The following WDPCP variants were observed in gnomAD, a reference collection of about 807,000 sequenced individuals.
WDPCP encodes the protein WD repeat containing planar cell polarity effector.
Under a neutral mutation model 93.1 loss-of-function variants are expected in WDPCP, and 71 were observed. The ratio of observed to expected loss-of-function variants is 0.76; its 90% CI spans 0.63 to 0.93. The LOEUF (loss-of-function observed/expected upper bound fraction) is 0.93, where lower values mean the gene tolerates loss of function less well. WDPCP is among the 40% of genes least tolerant of loss of function. The pLI is 0.00. For missense variants in WDPCP, 844 were observed against 887.4 expected (o/e 0.95, Z 0.62); for synonymous variants, 315 against 315.0 (o/e 1.00, Z 0.00).
At chr2:63,437,915 A>G (rs1292661893) in intron 7 of WDPCP, 1 of 1,579,344 alleles carries the variant, frequency 6.3e-7, no homozygotes, top group Non-Finnish European at 8.6e-7. Flanking sequence ...GTTTAATCCT[A>G]TGTTTACATG....
intron 3 of WDPCP, among the ~76,000 whole-genome samples, chr2:63,621,692 T>C (rs1487959425): frequency 6.6e-6 from 1 of 151,960 alleles, no homozygotes; most frequent in Non-Finnish European, 1.5e-5. Context: ...AAGATACTCC[T>C]AAAAAGGAGC....
At chr2:63,616,825 T>C (rs1027239193) in intron 3 of WDPCP, among the ~76,000 whole-genome samples, 1 of 152,248 alleles carries the variant, frequency 6.6e-6, no homozygotes, top group Non-Finnish European at 1.5e-5. Context: ...AGAAGGATTT[T>C]AAAGCTAGAA....
chr2:63,545,353 C>CAG (rs528501810), intron 1 of WDPCP, among the ~76,000 whole-genome samples: 1 of 146,984 alleles, frequency 6.8e-6, no homozygotes, highest in African/African-American at 2.5e-5. Flanking sequence ...GAGAGAGAGA[C>CAG]AGAGAGAGAG....
chr2:63,665,196 T>C (rs1288895854), intron 2 of WDPCP, among the ~76,000 whole-genome samples: 1 of 152,150 alleles, frequency 6.6e-6, no homozygotes, highest in Non-Finnish European at 1.5e-5. Context: ...CAGAAATGCG[T>C]TGTCTCATGG....
chr2:63,454,209 C>G (rs556355927), intron 6 of WDPCP, among the ~76,000 whole-genome samples: 246 of 151,972 alleles, frequency 1.6e-3, no homozygotes, highest in Non-Finnish European at 2.8e-3. Flanking sequence ...TTTCCAGGGA[C>G]ATGGATGAAG....
chr2:63,307,740 A>C (rs937959066), intron 13 of WDPCP, among the ~76,000 whole-genome samples: 1 of 152,264 alleles, frequency 6.6e-6, no homozygotes, highest in African/African-American at 2.4e-5. Flanking sequence ...TGGATTAACC[A>C]TTTAAATGTA....
At chr2:63,534,204 T>C (rs1174129847) in intron 1 of WDPCP, among the ~76,000 whole-genome samples, 1 of 152,154 alleles carries the variant, frequency 6.6e-6, no homozygotes, top group Admixed American at 6.5e-5. Flanking sequence ...GGCTCTGAAA[T>C]TGAGGCAATA....
chr2:63,356,109 A>G (rs1575214095), intron 12 of WDPCP, among the ~76,000 whole-genome samples: 2 of 152,216 alleles, frequency 1.3e-5, no homozygotes, highest in East Asian at 3.8e-4. Context: ...GAAAACAGAA[A>G]GAAGCAGGGG....
chr2:63,531,102 TCCAAGA>T (rs1558764204), intron 1 of WDPCP, among the ~76,000 whole-genome samples: 1 of 152,154 alleles, frequency 6.6e-6, no homozygotes. Flanking sequence ...AGCACAGCAG[TCCAAGA>T]TCGAACTGTG....
chr2:63,497,043 C>T (rs577584412), intron 1 of WDPCP, among the ~76,000 whole-genome samples: 2 of 131,338 alleles, frequency 1.5e-5, no homozygotes, highest in South Asian at 2.4e-4. Flanking sequence ...ACCCAGGAGG[C>T]GAAGGTTGCA....
chr2:63,533,369 T>G (rs905727528), intron 1 of WDPCP, among the ~76,000 whole-genome samples: 11 of 152,166 alleles, frequency 7.2e-5, no homozygotes, highest in Non-Finnish European at 1.5e-4. Flanking sequence ...CTAATAGACA[T>G]CTACAGAATT....
intron 6 of WDPCP, among the ~76,000 whole-genome samples, chr2:63,482,667 A>G (rs1401094972): frequency 2.0e-5 from 3 of 151,974 alleles, no homozygotes; most frequent in African/African-American, 7.2e-5. Context: ...GTGAAGGGAT[A>G]ATGTTAGGAG....
intron 12 of WDPCP, among the ~76,000 whole-genome samples, chr2:63,321,253 T>C (rs1044083417): frequency 6.6e-6 from 1 of 152,032 alleles, no homozygotes; most frequent in African/African-American, 2.4e-5. Flanking sequence ...ATAGATGATC[T>C]CTATATTCAT....
chr2:63,818,720 A>G (rs908074842), intron 1 of WDPCP, among the ~76,000 whole-genome samples: 1 of 152,202 alleles, frequency 6.6e-6, no homozygotes, highest in African/African-American at 2.4e-5. Context: ...TTCCTTTCAC[A>G]TAAGGTGCTA....
At position 63,206,368 on chromosome 2, in the gene WDPCP, T is replaced by G. The variant is rs1216471254; in HGVS notation, c.1916-31536A>C. Among the ~76,000 whole-genome samples the G allele has an allele frequency of 2.0e-5, 3 of 152,326 alleles. No individual in the cohort carries two copies. The East Asian group carries it at 5.8e-4, about 29-fold the overall frequency. ...CTCGAATTAGTAACCAATTTCCCCC[T>G]TTATCCTTTTTCTCTCCCAGTGTCA... is the stretch of plus-strand genomic sequence containing the variant. On this transcript the variant is annotated intron_variant, in intron 14 of 17. Transcript: ENST00000272321.
Position 63,596,335 on chromosome 2 carries a change from A to G in WDPCP, n.488+54324T>C, listed in dbSNP as rs1227277583. Among the ~76,000 whole-genome samples the G allele has an allele frequency of 4.6e-5, 7 of 152,188 alleles. No individual in the cohort carries two copies. In the East Asian group the frequency reaches 1.2e-3, roughly 25 times the overall value. On this transcript the variant is annotated intron_variant and non_coding_transcript_variant, in intron 3 of 4. Coordinates refer to the WDPCP transcript ENST00000467687. ...TGAATAAACATTTGCTAGAAGGGATACTCTGCCATCTAAGTCTTTTGGTTG... is the reference window on the plus strand; with the variant it reads ...TGAATAAACATTTGCTAGAAGGGATGCTCTGCCATCTAAGTCTTTTGGTTG...
chr2:63,758,493 C>T (rs922863256), intron 2 of WDPCP, among the ~76,000 whole-genome samples: 1 of 152,200 alleles, frequency 6.6e-6, no homozygotes, highest in Non-Finnish European at 1.5e-5. Context: ...GGCTGAAGTA[C>T]AGTGGCACCA....
At chr2:63,493,033 C>T (rs1247048086) in intron 1 of WDPCP, 93 bp from the exon 2 acceptor site, 6 of 1,054,312 alleles carry the variant, frequency 5.7e-6, no homozygotes, top group African/African-American at 3.2e-5. Context: ...AAGAATCATT[C>T]GCCACAACTG....
chr2:63,284,894 C>G (rs1309659689), intron 13 of WDPCP, among the ~76,000 whole-genome samples: 1 of 151,972 alleles, frequency 6.6e-6, no homozygotes. Flanking sequence ...ATTTTAAGCC[C>G]TAGAACAAGC....
Sources: allele counts gnomAD v4.1 joint callset (sites outside exome capture counted in the v4.1 genomes callset), GRCh38; gene constraint gnomAD v4.1.1; transcripts MANE v1.5; gene names NCBI Gene and HGNC (gene_info 2026-07-23, HGNC 2026-07-21).